The following GFOD2 variants were observed in gnomAD, a reference collection of about 807,000 sequenced individuals.
GFOD2 encodes the protein Gfo/Idh/MocA-like oxidoreductase domain containing 2, also known as glucose-fructose oxidoreductase domain-containing protein 2.
In GFOD2, 9 loss-of-function variants were observed where a neutral mutation model predicts 24.6. The observed-to-expected ratio is 0.37, with a 90% CI of 0.22 to 0.64. GFOD2 has a LOEUF of 0.64. Ranked by LOEUF, GFOD2 falls within the 30% of genes least tolerant of loss-of-function variation. The pLI, the probability that GFOD2 is intolerant of heterozygous loss-of-function variation, is 0.65. For missense variants in GFOD2, 476 were observed against 532.5 expected (o/e 0.89, Z 1.04); for synonymous variants, 211 against 224.8 (o/e 0.94, Z 0.55).
intron 2 of GFOD2, chr16:67,684,833 A>T: frequency 1.0e-6 from 1 of 986,998 alleles, no homozygotes; most frequent in Non-Finnish European, 1.2e-6. Flanking sequence ...ACTGTAGGAG[A>T]ACAGCTCAGC....
chr16:67,685,212 T>C, intron 2 of GFOD2: 1 of 1,418,386 alleles, frequency 7.1e-7, no homozygotes, highest in South Asian at 1.6e-5. Flanking sequence ...CTCCAGCCCC[T>C]TGATGGCTGT....
intron 1 of GFOD2, among the ~76,000 whole-genome samples, chr16:67,714,082 T>C (rs2053492837): frequency 6.6e-6 from 1 of 152,096 alleles, no homozygotes. Context: ...CAAATATGTA[T>C]TTCACAATAT....
chr16:67,675,686 A>G lies in GFOD2; in HGVS notation c.627T>C (p.Ala209=). Residue 209 remains alanine, a synonymous_variant, in exon 3 of 3, where the codon GCT becomes GCC. Coordinates refer to ENST00000268797, the MANE Select transcript of GFOD2 (RefSeq NM_030819.4). ...GLLKTFVRQN[A]AIRGIRHVTS... ...TGACGTGCCGGATGCCACGGATGGC[A>G]GCGTTCTGCCTCACGAATGTCTTGA... 1 of 1,613,874 alleles carries G rather than the reference A, an allele frequency of 6.2e-7. No homozygotes were observed. Among genetic ancestry groups the G allele is most frequent in the Non-Finnish European group, 8.5e-7 (1 of 1,180,046 alleles).
In GFOD2 at chr16:67,683,321, C is replaced by A. The variant is rs867236128; in HGVS notation, c.259+2136G>T. The stretch of plus-strand genomic sequence containing the variant: ...CTTGGAAATGGTCTCTGTGGGGAAC[C>A]CTAAAATTCAGGAAGAAGACTGAGA... On this transcript the variant is annotated intron_variant, in intron 2 of 2. Transcript: ENST00000268797. 4.1e-5 allele frequency: 50 copies of A among 1,214,120 alleles called. No individual in the cohort carries two copies. In the African/African-American group the frequency reaches 6.7e-4, roughly 16 times the overall value. 75.2% of individuals were successfully genotyped at this position (1,214,120 alleles called of 1,614,324 possible). A position where few individuals can be genotyped will look rare whatever the true frequency, so the allele number is the denominator to read the frequency against.
intron 2 of GFOD2, chr16:67,680,496 CT>C (rs1318564445): frequency 6.5e-6 from 1 of 152,800 alleles, no homozygotes; most frequent in African/African-American, 2.4e-5. Context: ...GCCTGGCCCC[CT>C]GGTAGCTCAC....
chr16:67,692,908 C>T (rs1028423393), intron 1 of GFOD2, among the ~76,000 whole-genome samples: 2 of 149,020 alleles, frequency 1.3e-5, no homozygotes, highest in Non-Finnish European at 3.0e-5. Flanking sequence ...TGGGCACCTG[C>T]AGTCCCAGCT....
At chr16:67,710,866 C>T (rs1047130407) in intron 1 of GFOD2, among the ~76,000 whole-genome samples, 4 of 152,102 alleles carry the variant, frequency 2.6e-5, no homozygotes, top group Admixed American at 2.6e-4. Context: ...CAGTCTCTCT[C>T]CCCAACTGCA....
intron 1 of GFOD2, among the ~76,000 whole-genome samples, chr16:67,692,931 G>A (rs1311059419): frequency 4.6e-5 from 7 of 151,718 alleles, no homozygotes; most frequent in Admixed American, 1.3e-4. Context: ...TCGGGAGGCT[G>A]AGGCGGGAGA....
chr16:67,697,752 G>A (rs995768271), intron 1 of GFOD2, among the ~76,000 whole-genome samples: 2 of 152,148 alleles, frequency 1.3e-5, no homozygotes, highest in African/African-American at 2.4e-5. Flanking sequence ...CTGCTCTGGG[G>A]GTGACTGTTT....
At chr16:67,681,997 C>A in intron 2 of GFOD2, 1 of 384,010 alleles carries the variant, frequency 2.6e-6, no homozygotes, top group Non-Finnish European at 3.6e-6. Flanking sequence ...TTGAACAACA[C>A]AGCAAGATCC....
intron 1 of GFOD2, among the ~76,000 whole-genome samples, chr16:67,703,757 C>G (rs2053419979): frequency 6.6e-6 from 1 of 152,198 alleles, no homozygotes; most frequent in Admixed American, 6.5e-5. Flanking sequence ...AAACTTGCCT[C>G]TGTTGCAGAG....
In GFOD2 at chr16:67,674,868, G is replaced by A. The variant is rs1277829069; in HGVS notation, c.*287C>T. The A allele has an allele frequency of 4.7e-6, 2 of 425,332 alleles. No individual in the cohort carries two copies. Among genetic ancestry groups the A allele is most frequent in the East Asian group, 4.0e-5 (1 of 25,094 alleles). The allele number at this position is 425,332 out of a possible 1,614,324, so 26.3% of individuals were successfully genotyped here. ...GCGGATCAGGCTGAAGGGCTCCCCAGGGTGAGCCTTTCCTGGTCCGACTCA... is the reference window on the plus strand; with the variant it reads ...GCGGATCAGGCTGAAGGGCTCCCCAAGGTGAGCCTTTCCTGGTCCGACTCA... On this transcript the variant is annotated 3_prime_UTR_variant, in exon 3 of 3. Coordinates refer to ENST00000268797, the MANE Select transcript of GFOD2 (RefSeq NM_030819.4).
chr16:67,696,260 G>A (rs138853698), intron 1 of GFOD2, among the ~76,000 whole-genome samples: 2,952 of 151,234 alleles, frequency 0.02, 48 homozygotes, highest in Middle Eastern at 0.11. Context: ...TGATCTGCCC[G>A]CCTCAGCCTC....
At chr16:67,682,435 C>A (rs778761041) in intron 2 of GFOD2, 7 of 985,380 alleles carry the variant, frequency 7.1e-6, no homozygotes, top group Non-Finnish European at 8.4e-6. Flanking sequence ...TCAACTGTGG[C>A]AAAGATGCTA....
At position 67,677,954 on chromosome 16, in the gene GFOD2, A is replaced by G. The variant is rs2053195114; in HGVS notation, c.260-1901T>C. ...CCAGGTATGTGCATCTTCAGTAACC[A>G]TGGTGCTCATCTTCCCTCAGGCCCC... On this transcript the variant is annotated intron_variant, in intron 2 of 2. Coordinates refer to ENST00000268797, the MANE Select transcript of GFOD2 (RefSeq NM_030819.4). 3 of 152,236 alleles carry G rather than the reference A, an allele frequency of 2.0e-5. No homozygotes were observed. In the South Asian group the frequency reaches 6.2e-4, roughly 31 times the overall value. 9.4% of individuals were successfully genotyped at this position (152,236 alleles called of 1,614,324 possible).
At chr16:67,717,302 T>C (rs929482801) in intron 1 of GFOD2, among the ~76,000 whole-genome samples, 1 of 152,132 alleles carries the variant, frequency 6.6e-6, no homozygotes, top group Non-Finnish European at 1.5e-5. Context: ...CAAATGTAAA[T>C]AGAAAATTAG....
At chr16:67,686,780 G>C (rs939404994) in intron 1 of GFOD2, among the ~76,000 whole-genome samples, 1 of 151,388 alleles carries the variant, frequency 6.6e-6, no homozygotes, top group African/African-American at 2.4e-5. Flanking sequence ...AGATTGCAGT[G>C]AGCCAAGATC....
intron 1 of GFOD2, among the ~76,000 whole-genome samples, chr16:67,688,887 C>T (rs528239831): frequency 1.6e-4 from 25 of 151,608 alleles, no homozygotes; most frequent in South Asian, 2.1e-4. Flanking sequence ...GACGCCCCCC[C>T]ACCATGCCCA....
At chr16:67,687,608 T>C (rs1373814859) in intron 1 of GFOD2, among the ~76,000 whole-genome samples, 3 of 123,684 alleles carry the variant, frequency 2.4e-5, no homozygotes, top group African/African-American at 9.8e-5. Flanking sequence ...GCCAATGCAC[T>C]CCAGCCTGGG....
Sources: gnomAD v4.1 joint callset for allele counts (sites outside exome capture counted in the v4.1 genomes callset) on GRCh38, gnomAD v4.1.1 for gene constraint, MANE v1.5 for transcripts, NCBI Gene and HGNC (gene_info 2026-07-23, HGNC 2026-07-21) for gene names.